THSD7B: variants seen among roughly 807,000 people sequenced by gnomAD.
THSD7B encodes the protein thrombospondin type-1 domain-containing protein 7B.
In THSD7B, 138 loss-of-function variants were observed where a neutral mutation model predicts 213.6. That is an observed-to-expected ratio of 0.65 (90% CI 0.56 to 0.74). The LOEUF is 0.74. Among genes scored for constraint, THSD7B ranks in the 30% least tolerant of loss-of-function variants. THSD7B has a pLI of 0.00. For synonymous variants in THSD7B, 742 were observed against 687.0 expected (o/e 1.08, Z -1.25); for missense variants, 1,931 against 1,991.5 (o/e 0.97, Z 0.58).
intron 9 of THSD7B, among the ~76,000 whole-genome samples, chr2:137,240,358 A>G (rs1681873702): frequency 6.6e-6 from 1 of 152,186 alleles, no homozygotes; most frequent in Non-Finnish European, 1.5e-5. Context: ...CAGATTTATA[A>G]TTATGTAAGT....
At chr2:137,149,068 C>T (rs980412859) in intron 5 of THSD7B, among the ~76,000 whole-genome samples, 23 of 152,144 alleles carry the variant, frequency 1.5e-4, no homozygotes, top group Admixed American at 1.2e-3. Context: ...TATGCAGCCT[C>T]GAACATGGTA....
chr2:137,430,996 C>T (rs906002348), intron 14 of THSD7B, among the ~76,000 whole-genome samples: 1 of 151,990 alleles, frequency 6.6e-6, no homozygotes, highest in Non-Finnish European at 1.5e-5. Context: ...TTATTAGTGT[C>T]GACAAAAAGA....
chr2:137,502,147 G>A (rs1175019591), intron 15 of THSD7B, among the ~76,000 whole-genome samples: 3 of 151,854 alleles, frequency 2.0e-5, no homozygotes, highest in Admixed American at 2.0e-4. Context: ...TCTGTGCATT[G>A]AGGATAACAT....
At chr2:137,647,737 G>A (rs1213161603) in intron 21 of THSD7B, among the ~76,000 whole-genome samples, 1 of 152,136 alleles carries the variant, frequency 6.6e-6, no homozygotes, top group East Asian at 1.9e-4. Flanking sequence ...CTTCATGAAT[G>A]GTACTGAGAC....
chr2:137,523,316 CCT>C (rs1387830143), intron 15 of THSD7B, among the ~76,000 whole-genome samples: 1 of 152,154 alleles, frequency 6.6e-6, no homozygotes, highest in Non-Finnish European at 1.5e-5. Flanking sequence ...AGCCCAGAAA[CCT>C]CTGTTTCTTC....
intron 2 of THSD7B, among the ~76,000 whole-genome samples, chr2:136,919,188 C>T (rs1054564618): frequency 6.6e-6 from 1 of 152,212 alleles, no homozygotes; most frequent in African/African-American, 2.4e-5. Context: ...TTTTTACTCT[C>T]TCAAAGCTCT....
At chr2:137,490,216 C>T (rs893660196) in intron 15 of THSD7B, among the ~76,000 whole-genome samples, 3 of 152,194 alleles carry the variant, frequency 2.0e-5, no homozygotes, top group Admixed American at 6.5e-5. Flanking sequence ...TAAGAGCAAG[C>T]GACTTTTGGT....
chr2:137,370,855 T>A (rs1685524598), intron 12 of THSD7B, among the ~76,000 whole-genome samples: 1 of 152,126 alleles, frequency 6.6e-6, no homozygotes, highest in South Asian at 2.1e-4. Context: ...TTATATAATT[T>A]CATTAATTAA....
At chr2:136,811,843 A>G (rs2104930713) in intron 1 of THSD7B, among the ~76,000 whole-genome samples, 1 of 152,294 alleles carries the variant, frequency 6.6e-6, no homozygotes. Context: ...GCATGTGCTC[A>G]GTCATGGTTG....
intron 7 of THSD7B, among the ~76,000 whole-genome samples, chr2:137,196,950 C>T (rs1191739572): frequency 6.6e-6 from 1 of 152,144 alleles, no homozygotes; most frequent in Non-Finnish European, 1.5e-5. Flanking sequence ...CCTCCTGTTA[C>T]GATGCCCTAA....
chr2:137,630,008 TC>T (rs1205026292), intron 20 of THSD7B, among the ~76,000 whole-genome samples: 2 of 150,068 alleles, frequency 1.3e-5, no homozygotes, highest in Non-Finnish European at 3.0e-5. Context: ...TTTTTTTTTT[TC>T]GCGATACAGA....
At chr2:137,484,027 A>G (rs1484404318) in intron 15 of THSD7B, among the ~76,000 whole-genome samples, 1 of 144,004 alleles carries the variant, frequency 6.9e-6, no homozygotes, top group Non-Finnish European at 1.5e-5. Context: ...TTTTTATTTT[A>G]TTATTATTAT....
At chr2:137,560,261 C>T (rs1028703920) in intron 15 of THSD7B, among the ~76,000 whole-genome samples, 7 of 152,142 alleles carry the variant, frequency 4.6e-5, no homozygotes, top group Admixed American at 1.3e-4. Context: ...CACATGCACA[C>T]GTGTGTTTAT....
chr2:137,248,493 A>G (rs142980822), intron 10 of THSD7B, among the ~76,000 whole-genome samples: 2 of 152,274 alleles, frequency 1.3e-5, no homozygotes, highest in Non-Finnish European at 2.9e-5. Flanking sequence ...TTTAAATGAA[A>G]CTGTGGCATT....
At chr2:137,001,419 A>T (rs2104825352) in intron 2 of THSD7B, among the ~76,000 whole-genome samples, 1 of 152,242 alleles carries the variant, frequency 6.6e-6, no homozygotes, top group East Asian at 1.9e-4. Flanking sequence ...TCTTGATGCA[A>T]GGAAAGGTTC....
chr2:137,653,534 C>T (rs75070048), intron 21 of THSD7B, among the ~76,000 whole-genome samples: 2,261 of 150,960 alleles, frequency 0.015, 31 homozygotes, highest in Middle Eastern at 0.02. Flanking sequence ...TGCTCTTGCT[C>T]AACTCTCTTT....
At chr2:137,546,885 T>C (rs1042465621) in intron 15 of THSD7B, among the ~76,000 whole-genome samples, 2 of 151,968 alleles carry the variant, frequency 1.3e-5, no homozygotes, top group East Asian at 2.0e-4. Context: ...GCCAAACAAA[T>C]GAAGTTTAAT....
chr2:136,978,787 T>C (rs1685529160), intron 2 of THSD7B, among the ~76,000 whole-genome samples: 1 of 152,150 alleles, frequency 6.6e-6, no homozygotes, highest in African/African-American at 2.4e-5. Context: ...TCACTTACTT[T>C]TAAGGGTATT....
At chr2:137,306,045 AT>A (rs1683733028) in intron 12 of THSD7B, among the ~76,000 whole-genome samples, 1 of 152,146 alleles carries the variant, frequency 6.6e-6, no homozygotes, top group Non-Finnish European at 1.5e-5. Flanking sequence ...CATGAATGGA[AT>A]TTGCAGGACT....
Sources: gnomAD v4.1 joint callset for allele counts (sites outside exome capture counted in the v4.1 genomes callset) on GRCh38, gnomAD v4.1.1 for gene constraint, MANE v1.5 for transcripts, NCBI Gene and HGNC (gene_info 2026-07-23, HGNC 2026-07-21) for gene names.